The following AFF4 variants were observed in gnomAD, a reference collection of about 807,000 sequenced individuals.
The protein encoded by AFF4 is ALF transcription elongation factor 4, also known as AF4/FMR2 family member 4.
Under a neutral mutation model 124.8 loss-of-function variants are expected in AFF4, and 13 were observed. That is an observed-to-expected ratio of 0.10 (90% CI 0.07 to 0.17). The LOEUF (loss-of-function observed/expected upper bound fraction) is 0.17, where lower values mean the gene tolerates loss of function less well. Ranked by LOEUF, AFF4 falls within the 10% of genes least tolerant of loss-of-function variation. AFF4 has a pLI of 1.00. For missense variants in AFF4, 1,092 were observed against 1,403.8 expected, an observed-to-expected ratio of 0.78 and a Z score of 3.55; for synonymous variants, 477 against 496.1, an observed-to-expected ratio of 0.96 and a Z score of 0.51.
At position 132,904,417 on chromosome 5, in the gene AFF4, A is replaced by T. The variant is rs202109434; in HGVS notation, c.1051-13T>A. 2.2e-4 allele frequency: 351 copies of T among 1,601,460 alleles called. No homozygotes were observed. The highest frequency in any genetic ancestry group is 3.2e-4 in the Admixed American group (18 of 56,714). On this transcript the variant is annotated splice_polypyrimidine_tract_variant and intron_variant, in intron 5 of 20. Transcript: ENST00000265343. ...ACTGCTGAGACTCCTAAGAAAAAGG[A>T]ACATAAAATTATACAAAGTTACACT...
At chr5:132,947,865 C>A (rs1243182508) in intron 1 of AFF4, among the ~76,000 whole-genome samples, 3 of 152,140 alleles carry the variant, frequency 2.0e-5, no homozygotes, top group East Asian at 3.8e-4. Context: ...CACAGAAGGA[C>A]CTTTGCCCCA....
intron 20 of AFF4, 61 bp from the exon 21 acceptor site, chr5:132,881,247 T>C: frequency 6.4e-7 from 1 of 1,556,692 alleles, no homozygotes; most frequent in Non-Finnish European, 8.7e-7. Context: ...GCTTTAAAAC[T>C]ATGAGTAGAG....
chr5:132,924,202 C>T (rs1223368453), intron 5 of AFF4, among the ~76,000 whole-genome samples: 1 of 151,836 alleles, frequency 6.6e-6, no homozygotes, highest in Non-Finnish European at 1.5e-5. Flanking sequence ...TGCAGTGAGC[C>T]GAGATCATGC....
At chr5:132,926,708 T>TG (rs2150092878) in intron 5 of AFF4, 1 of 142,930 alleles carries the variant, frequency 7.0e-6, no homozygotes, top group Non-Finnish European at 1.5e-5. Flanking sequence ...AGCTTTTTTT[T>TG]TTTTTTTTTT....
In AFF4 at chr5:132,896,441, G is replaced by C. The variant is rs1581277937; in HGVS notation, c.2189C>G (p.Pro730Arg). The change falls in exon 11 of 21, where the codon CCT (proline) becomes CGT (arginine). Residue 730 changes from proline to arginine, a missense_variant. By Grantham distance (103) the Pro-to-Arg change is moderately radical. Transcript: ENST00000265343. ...LNLLTRIPGK[P>R]YKETEPPKGE... The stretch of plus-strand genomic sequence containing the variant: ...CTTGGGCGGCTCTGTTTCTTTGTAA[G>C]GCTTTCCTGGTATTCTAGTCAAAAG... The C allele has an allele frequency of 6.2e-7, 1 of 1,614,144 alleles. No individual in the cohort carries two copies. The highest frequency in any genetic ancestry group is 8.5e-7 in the Non-Finnish European group (1 of 1,180,020).
intron 4 of AFF4, 140 bp from the exon 5 acceptor site, chr5:132,927,347 G>GCA: frequency 1.5e-6 from 1 of 683,166 alleles, no homozygotes; most frequent in Non-Finnish European, 2.5e-6. Context: ...TAAATATTAA[G>GCA]CACAATTGTG....
chr5:132,896,832 T>C lies in AFF4; in HGVS notation c.1798A>G (p.Arg600Gly), dbSNP rs1760414145. Residue 600 changes from arginine (R) to glycine (G), a missense_variant, in exon 11 of 21, where the codon AGA (arginine) becomes GGA (glycine). This residue lies in a region of AFF4 where 174 missense variants were observed against 205.9 expected (regional missense o/e 0.84). Transcript: ENST00000265343. ...GAGCCTTTGGTGGCTGCTTTGTGTC[T>C]GCTGGAGGGCATGCTGCTAGCCAAG... Reference protein sequence around the residue: ...VDLASSMPSSRHKAATKGSRK... With the variant: ...VDLASSMPSSGHKAATKGSRK... 2 of 1,613,982 alleles carry C rather than the reference T, an allele frequency of 1.2e-6. No individual in the cohort carries two copies. The highest frequency in any genetic ancestry group is 2.7e-5 in the African/African-American group (2 of 74,896).
intron 4 of AFF4, among the ~76,000 whole-genome samples, chr5:132,929,872 TCTGGAGGCAGAAAGG>T: frequency 6.6e-6 from 1 of 152,138 alleles, no homozygotes; most frequent in East Asian, 1.9e-4. Context: ...GTAGGGAGAT[TCTGGAGGCAGAAAGG>T]CTGAATGAGG....
Position 132,963,276 on chromosome 5 carries a change from C to T in AFF4, c.-22G>A, listed in dbSNP as rs1420759321. The T allele has an allele frequency of 5.1e-6, 2 of 394,788 alleles. No individual in the cohort carries two copies. Among genetic ancestry groups the T allele is most frequent in the Non-Finnish European group, 8.9e-6 (2 of 223,962 alleles). 24.5% of individuals were successfully genotyped at this position (394,788 alleles called of 1,614,324 possible). A position where few individuals can be genotyped will look rare whatever the true frequency, so the allele number is the denominator to read the frequency against. ...CTTCTTACCTCCAGTCCCGGCTCCG[C>T]TAGGCCCGAACCATCTCCTGGCTGC... On this transcript the variant is annotated 5_prime_UTR_variant, in exon 1 of 21. The change abolishes the stop of an existing upstream ORF in the 5' untranslated region. Transcript: ENST00000265343.
intron 11 of AFF4, among the ~76,000 whole-genome samples, chr5:132,895,439 C>G (rs1017373796): frequency 7.9e-5 from 12 of 152,186 alleles, no homozygotes; most frequent in African/African-American, 2.7e-4. Flanking sequence ...ATATGTGATT[C>G]TCAGGTCAAC....
chr5:132,898,699 G>C (rs1760473690), intron 9 of AFF4, among the ~76,000 whole-genome samples: 1 of 151,856 alleles, frequency 6.6e-6, no homozygotes, highest in Admixed American at 6.6e-5. Context: ...GGTCAGGTGG[G>C]TCTCAAACTC....
At chr5:132,922,675 G>A (rs1266383330) in intron 5 of AFF4, among the ~76,000 whole-genome samples, 1 of 150,678 alleles carries the variant, frequency 6.6e-6, no homozygotes, top group Non-Finnish European at 1.5e-5. Context: ...AGCTACTTGG[G>A]AGGCTGAAGC....
chr5:132,891,800 CTTTTT>C, intron 13 of AFF4: 1 of 223,742 alleles, frequency 4.5e-6, no homozygotes, highest in Non-Finnish European at 8.5e-6. Context: ...TGGTTTCTAT[CTTTTT>C]TTTTTTTTTT....
At chr5:132,916,928 T>G (rs1419284825) in intron 5 of AFF4, among the ~76,000 whole-genome samples, 1 of 152,214 alleles carries the variant, frequency 6.6e-6, no homozygotes, top group Non-Finnish European at 1.5e-5. Flanking sequence ...TTGTTTTTTT[T>G]TGTTTTTTTG....
intron 5 of AFF4, among the ~76,000 whole-genome samples, chr5:132,906,367 T>A (rs1760670917): frequency 6.6e-6 from 1 of 152,152 alleles, no homozygotes; most frequent in Admixed American, 6.5e-5. Context: ...CAAATGTCCA[T>A]CAGCTGATGA....
At chr5:132,903,220 T>C (rs1760593470) in intron 6 of AFF4, among the ~76,000 whole-genome samples, 1 of 152,112 alleles carries the variant, frequency 6.6e-6, no homozygotes, top group African/African-American at 2.4e-5. Context: ...TAACATTTTC[T>C]GCATAATTAA....
chr5:132,893,165 T>G, intron 11 of AFF4, 47 bp from the exon 12 acceptor site: 1 of 1,531,228 alleles, frequency 6.5e-7, no homozygotes, highest in Non-Finnish European at 9.0e-7. Context: ...TCAACTAACT[T>G]CAGCTTCCAG....
chr5:132,925,035 C>A (rs556690130), intron 5 of AFF4, among the ~76,000 whole-genome samples: 2 of 151,736 alleles, frequency 1.3e-5, no homozygotes, highest in African/African-American at 4.8e-5. Context: ...ATCAGCTGGG[C>A]GTGGTGGCGG....
At chr5:132,938,430 TA>T (rs1473691910) in intron 1 of AFF4, among the ~76,000 whole-genome samples, 4 of 151,766 alleles carry the variant, frequency 2.6e-5, no homozygotes, top group Non-Finnish European at 5.9e-5. Context: ...AATGGCTGGC[TA>T]ATTTTTTTAT....
Sources: allele counts gnomAD v4.1 joint callset (sites outside exome capture counted in the v4.1 genomes callset), GRCh38; gene constraint gnomAD v4.1.1; regional missense constraint gnomAD v4.1.1; transcripts MANE v1.5; gene names NCBI Gene and HGNC (gene_info 2026-07-23, HGNC 2026-07-21).